ERICH6B: variants seen among roughly 807,000 people sequenced by gnomAD.
ERICH6B encodes glutamate-rich protein 6B.
ERICH6B carries 69 observed loss-of-function variants against 80.0 expected under a neutral mutation model. That is an observed-to-expected ratio of 0.86 (90% CI 0.71 to 1.05). ERICH6B has a LOEUF of 1.05. Among genes scored for constraint, ERICH6B ranks in the 50% least tolerant of loss-of-function variants. ERICH6B has a pLI of 0.00. For missense variants in ERICH6B, 754 were observed against 796.1 expected (o/e 0.95, Z 0.64); for synonymous variants, 283 against 291.9 (o/e 0.97, Z 0.31).
At chr13:45,543,073 C>T (rs567507782) in intron 14 of ERICH6B, among the ~76,000 whole-genome samples, 1 of 152,096 alleles carries the variant, frequency 6.6e-6, no homozygotes, top group African/African-American at 2.4e-5. Flanking sequence ...CCAAGGCAGT[C>T]CTGCTCCCAG....
intron 3 of ERICH6B, among the ~76,000 whole-genome samples, chr13:45,596,015 A>G (rs1024947027): frequency 5.9e-5 from 9 of 152,248 alleles, no homozygotes; most frequent in Non-Finnish European, 1.2e-4. Flanking sequence ...AAGGAAAGAT[A>G]CAAATAACAA....
At chr13:45,578,030 C>T (rs1875494903) in intron 7 of ERICH6B, among the ~76,000 whole-genome samples, 1 of 152,212 alleles carries the variant, frequency 6.6e-6, no homozygotes, top group Admixed American at 6.5e-5. Context: ...TTTAGTCAGG[C>T]TCCCGAATCT....
At chr13:45,541,819 C>T (rs1873791854) in intron 14 of ERICH6B, 139 bp from the exon 15 acceptor site, 4 of 700,686 alleles carry the variant, frequency 5.7e-6, no homozygotes, top group Admixed American at 2.7e-5. Context: ...GTTCTCAGCC[C>T]TGCCACCTGC....
intron 9 of ERICH6B, among the ~76,000 whole-genome samples, chr13:45,566,500 G>A (rs1317910187): frequency 6.6e-6 from 1 of 152,226 alleles, no homozygotes; most frequent in East Asian, 1.9e-4. Flanking sequence ...TAGGGGACTT[G>A]GTGCCTTGCA....
intron 4 of ERICH6B, among the ~76,000 whole-genome samples, chr13:45,589,257 C>T (rs970721127): frequency 6.6e-6 from 1 of 152,016 alleles, no homozygotes; most frequent in Non-Finnish European, 1.5e-5. Flanking sequence ...ACCAGGAAGG[C>T]CCCCCCAGGG....
chr13:45,596,535 A>T lies in ERICH6B; in HGVS notation c.471T>A (p.Tyr157Ter). 6.4e-7 allele frequency: 1 copy of T among 1,551,868 alleles called. No homozygotes were observed. Among genetic ancestry groups the T allele is most frequent in the Non-Finnish European group, 8.7e-7 (1 of 1,146,962 alleles). The change falls in exon 3 of 15, where the codon TAT (tyrosine) becomes TAA (stop). Residue 157 changes from tyrosine (Y) to a stop codon, truncating the protein, a stop_gained. Transcript: ENST00000298738. LOFTEE classifies it high-confidence loss of function. ...CCTCCAGATACGCTTTCTTCCCCAG[A>T]TAATCTACCTCCTCAATATAATCTT... ...EKEDYIEEVD[Y>*]LGKKAYLEEE...
At chr13:45,607,243 C>T (rs1437412800) in intron 2 of ERICH6B, among the ~76,000 whole-genome samples, 3 of 152,266 alleles carry the variant, frequency 2.0e-5, no homozygotes, top group Non-Finnish European at 2.9e-5. Flanking sequence ...CAGGAGGACT[C>T]AGTTCTCAGA....
chr13:45,553,644 G>A (rs1874315272), intron 11 of ERICH6B, among the ~76,000 whole-genome samples: 1 of 152,088 alleles, frequency 6.6e-6, no homozygotes, highest in Non-Finnish European at 1.5e-5. Context: ...TCCTGTTTAA[G>A]AGAGGCTAAA....
Position 45,544,936 on chromosome 13 carries a change from GGC to G in ERICH6B, c.1694_1695del (p.Arg565ProfsTer27). ...AGATTCCACCAGTTCCAGGCCTTCTGGCGTTTGTCTTTGGGGAAGTAGTAGCC... is the reference window on the plus strand; with the variant it reads ...AGATTCCACCAGTTCCAGGCCTTCTGGTTTGTCTTTGGGGAAGTAGTAGCC... ...NLGYYFPKDKRQKAWNWWNLN... is the reference protein window; with the variant it reads ...NLGYYFPKDKXQKAWNWWNLN... On this transcript the variant is annotated frameshift_variant, in exon 14 of 15. Transcript: ENST00000298738. LOFTEE classifies it high-confidence loss of function. The G allele has an allele frequency of 6.4e-7, 1 of 1,551,636 alleles. No individual in the cohort carries two copies. Among genetic ancestry groups the G allele is most frequent in the Non-Finnish European group, 8.7e-7 (1 of 1,147,002 alleles).
At chr13:45,548,843 A>G (rs1874093699) in intron 13 of ERICH6B, among the ~76,000 whole-genome samples, 1 of 152,266 alleles carries the variant, frequency 6.6e-6, no homozygotes, top group African/African-American at 2.4e-5. Context: ...TCCAGAACAA[A>G]GAAGACAATC....
At chr13:45,541,998 C>T (rs987887211) in intron 14 of ERICH6B, among the ~76,000 whole-genome samples, 9 of 152,200 alleles carry the variant, frequency 5.9e-5, no homozygotes, top group African/African-American at 9.7e-5. Context: ...CTGCGGCTGC[C>T]GGGCTTCTCC....
At chr13:45,568,235 C>G (rs990405121) in intron 9 of ERICH6B, 80 bp downstream of exon 9, 13 of 1,400,164 alleles carry the variant, frequency 9.3e-6, no homozygotes, top group Non-Finnish European at 1.2e-5. Flanking sequence ...TTGTTGATGG[C>G]TCAGTTTACA....
At chr13:45,569,133 T>A (rs1053151991) in intron 8 of ERICH6B, among the ~76,000 whole-genome samples, 1 of 146,130 alleles carries the variant, frequency 6.8e-6, no homozygotes, top group Admixed American at 6.8e-5. Flanking sequence ...ACAAGGTGCC[T>A]TTTTTTTTTT....
At chr13:45,595,992 G>A (rs183333108) in intron 3 of ERICH6B, among the ~76,000 whole-genome samples, 6 of 152,160 alleles carry the variant, frequency 3.9e-5, no homozygotes, top group Non-Finnish European at 5.9e-5. Context: ...TGTATTACTC[G>A]TGTAATATGA....
rs552915622 is a variant in ERICH6B at position 45,580,806 on chromosome 13, C to A, written c.857-141G>T. 3.8e-4 allele frequency: 285 copies of A among 745,828 alleles called. No homozygotes were observed. The African/African-American group carries it at 4.4e-3, about 12-fold the overall frequency. The allele number at this position is 745,828 out of a possible 1,614,324, so 46.2% of individuals were successfully genotyped here. On this transcript the variant is annotated intron_variant, in intron 5 of 14. Transcript: ENST00000298738. ...AGTTGGGGGGAACTGAGGCTGGCGG[C>A]ACAGCTGGCATATATAGATGCCCCA...
At chr13:45,563,486 G>A (rs78104943) in intron 10 of ERICH6B, among the ~76,000 whole-genome samples, 11,810 of 152,070 alleles carry the variant, frequency 0.078, 519 homozygotes, top group African/African-American at 0.097. Flanking sequence ...AAGGTGACTC[G>A]CTCTGTGTTC....
At position 45,544,907 on chromosome 13, in the gene ERICH6B, G is replaced by A. The variant is rs1348870845; in HGVS notation, c.1725C>T (p.Asn575=). The A allele has an allele frequency of 3.2e-6, 5 of 1,551,764 alleles. No individual in the cohort carries two copies. Among genetic ancestry groups the A allele is most frequent in the Non-Finnish European group, 3.5e-6 (4 of 1,147,004 alleles). Residue 575 remains asparagine (N), a synonymous_variant, in exon 14 of 15, where the codon AAC becomes AAT. Coordinates refer to ENST00000298738, the MANE Select transcript of ERICH6B (RefSeq NM_182542.3). ...RQKAWNWWNL[N]IHVHAPPVQP... Reference sequence around the variant, plus strand: ...GGACAGGGGGTGCGTGGACATGGATGTTCAGATTCCACCAGTTCCAGGCCT... The same window carrying A: ...GGACAGGGGGTGCGTGGACATGGATATTCAGATTCCACCAGTTCCAGGCCT...
At chr13:45,568,650 T>C (rs1217175883) in intron 8 of ERICH6B, among the ~76,000 whole-genome samples, 199 bp from the exon 9 acceptor site, 1 of 152,196 alleles carries the variant, frequency 6.6e-6, no homozygotes, top group African/African-American at 2.4e-5. Context: ...ACCTAGGTGA[T>C]GGGCTGATCT....
At chr13:45,599,850 G>A (rs1281007678) in intron 2 of ERICH6B, among the ~76,000 whole-genome samples, 1 of 152,220 alleles carries the variant, frequency 6.6e-6, no homozygotes, top group Non-Finnish European at 1.5e-5. Flanking sequence ...CAACTCTGGA[G>A]CAAGAGGATT....
Sources: gnomAD v4.1 joint callset for allele counts (sites outside exome capture counted in the v4.1 genomes callset) on GRCh38, gnomAD v4.1.1 for gene constraint, MANE v1.5 for transcripts, NCBI Gene and HGNC (gene_info 2026-07-23, HGNC 2026-07-21) for gene names.